Variants in GNAI1 observed in about 807,000 individuals in gnomAD.
GNAI1 encodes the protein guanine nucleotide-binding protein G(i) subunit alpha-1.
In GNAI1, 11 loss-of-function variants were observed where a neutral mutation model predicts 38.9. That is an observed-to-expected ratio of 0.28 (90% CI 0.18 to 0.47). GNAI1 has a LOEUF of 0.47. GNAI1 is among the 20% of genes least tolerant of loss of function. The probability of loss-of-function intolerance (pLI) is 0.99; values close to 1 mark genes in which losing one functional copy is unlikely to be tolerated. For synonymous variants in GNAI1, 166 were observed against 145.1 expected, an observed-to-expected ratio of 1.14 and a Z score of -1.04; for missense variants, 317 against 436.9, an observed-to-expected ratio of 0.73 and a Z score of 2.45.
At chr7:80,174,360 ACTTGT>A (rs765187814) in intron 1 of GNAI1, among the ~76,000 whole-genome samples, 3 of 151,164 alleles carry the variant, frequency 2.0e-5, no homozygotes, top group African/African-American at 4.8e-5. Flanking sequence ...TTTCCCTTGT[ACTTGT>A]CTTTTATGAA....
In GNAI1 at chr7:80,176,316, A is replaced by T. The variant is rs148756037; in HGVS notation, c.119-12635A>T. 3.1e-3 allele frequency among the ~76,000 whole-genome samples: 467 copies of T among 152,332 alleles called. 4 individuals are homozygous for T. The highest frequency in any genetic ancestry group is 0.011 in the African/African-American group (454 of 41,580). ...GGAAGCTGCAGGTTCAGGAGCTTGA[A>T]GGAAAGAAGCCATCTCCATAAAATA... On this transcript the variant is annotated intron_variant, in intron 1 of 7. Coordinates refer to ENST00000649796, the MANE Select transcript of GNAI1 (RefSeq NM_002069.6).
chr7:80,202,161 C>T (rs540015065), intron 4 of GNAI1, among the ~76,000 whole-genome samples: 1 of 152,166 alleles, frequency 6.6e-6, no homozygotes, highest in Admixed American at 6.5e-5. Flanking sequence ...GTGATCTTGG[C>T]TCACTGCAAC....
At chr7:80,155,393 A>G (rs1584013155) in intron 1 of GNAI1, among the ~76,000 whole-genome samples, 1 of 152,334 alleles carries the variant, frequency 6.6e-6, no homozygotes, top group South Asian at 2.1e-4. Context: ...TACATATATA[A>G]TGCCTAACAG....
rs758283008 is a variant in GNAI1, at chr7:80,175,819, C to G, written c.119-13132C>G. 3.4e-4 allele frequency among the ~76,000 whole-genome samples: 52 copies of G among 152,254 alleles called. 1 individual carries two copies. The highest frequency in any genetic ancestry group is 6.8e-3 in the Middle Eastern group (2 of 294). ...TCATTGCTTCACTGGACTGGCTGTTCTCTCATATCTCTACCTCTCCTCAAA... is the reference window on the plus strand; with the variant it reads ...TCATTGCTTCACTGGACTGGCTGTTGTCTCATATCTCTACCTCTCCTCAAA... On this transcript the variant is annotated intron_variant, in intron 1 of 7. Transcript: ENST00000649796.
intron 1 of GNAI1, among the ~76,000 whole-genome samples, chr7:80,151,184 C>A (rs1248224310): frequency 6.6e-6 from 1 of 152,148 alleles, no homozygotes; most frequent in Non-Finnish European, 1.5e-5. Context: ...AGTGCCCTTC[C>A]ACCCTTACCT....
At chr7:80,150,098 C>G (rs1406725628) in intron 1 of GNAI1, among the ~76,000 whole-genome samples, 3 of 152,100 alleles carry the variant, frequency 2.0e-5, no homozygotes, top group Non-Finnish European at 4.4e-5. Flanking sequence ...TTGGGAGCAT[C>G]AATTGGTAAA....
intron 3 of GNAI1, among the ~76,000 whole-genome samples, chr7:80,189,894 A>G (rs1436080923): frequency 6.6e-6 from 1 of 152,118 alleles, no homozygotes; most frequent in Non-Finnish European, 1.5e-5. Flanking sequence ...AACTTGTTTC[A>G]GTTGGATTGG....
Position 80,203,710 on chromosome 7 carries a change from G to T in GNAI1, c.468G>T (p.Leu156Phe). 6.4e-7 allele frequency: 1 copy of T among 1,570,098 alleles called. No individual in the cohort carries two copies. The highest frequency in any genetic ancestry group is 8.7e-7 in the Non-Finnish European group (1 of 1,153,114). Residue 156 changes from leucine to phenylalanine, a missense_variant, in exon 5 of 8, where the codon TTG (leucine) becomes TTT (phenylalanine). By Grantham distance (22) the Leu-to-Phe change is conservative. Around this residue, in one of 5 missense-constraint regions of GNAI1, gnomAD observed 158 missense variants for 234.7 expected, o/e 0.67. Transcript: ENST00000649796. ...TTTGTTTAATTTTTTTCAGCTATTTGAATGACTTGGACAGAATAGCTCAAC... is the reference window on the plus strand; with the variant it reads ...TTTGTTTAATTTTTTTCAGCTATTTTAATGACTTGGACAGAATAGCTCAAC... ...YQLNDSAAYY[L>F]NDLDRIAQPN...
At chr7:80,189,882 A>G (rs1180092589) in intron 3 of GNAI1, among the ~76,000 whole-genome samples, 2 of 152,100 alleles carry the variant, frequency 1.3e-5, no homozygotes, top group East Asian at 1.9e-4. Flanking sequence ...ATTTGGCCCA[A>G]TAACTTGTTT....
intron 3 of GNAI1, among the ~76,000 whole-genome samples, chr7:80,194,194 T>G (rs1788529058): frequency 6.6e-6 from 1 of 152,202 alleles, no homozygotes; most frequent in African/African-American, 2.4e-5. Flanking sequence ...TAATTTGTTG[T>G]TAGTAAATCA....
intron 3 of GNAI1, among the ~76,000 whole-genome samples, chr7:80,194,202 T>A (rs1788529130): frequency 6.6e-6 from 1 of 152,192 alleles, no homozygotes; most frequent in Admixed American, 6.5e-5. Flanking sequence ...TGTTAGTAAA[T>A]CATGTATCAG....
chr7:80,137,568 C>T (rs1040136172), intron 1 of GNAI1, among the ~76,000 whole-genome samples: 48 of 152,170 alleles, frequency 3.2e-4, no homozygotes, highest in Admixed American at 2.4e-3. Context: ...GATCCGCCCG[C>T]CTCAGCCTCC....
chr7:80,203,362 TA>T (rs1788720955), intron 4 of GNAI1, among the ~76,000 whole-genome samples: 1 of 151,982 alleles, frequency 6.6e-6, no homozygotes. Context: ...AAAGGTGTGA[TA>T]AAGAATTCTA....
chr7:80,135,189 A>G lies in GNAI1; in HGVS notation c.29A>G (p.Lys10Arg). Residue 10 changes from lysine (K) to arginine (R), a missense_variant, in exon 1 of 8, where the codon AAG becomes AGG. Lys to Arg is a conservative substitution (Grantham distance 26). Around this residue, in one of 5 missense-constraint regions of GNAI1, gnomAD observed 37 missense variants for 26.2 expected, o/e 1.41. Coordinates refer to ENST00000649796, the MANE Select transcript of GNAI1 (RefSeq NM_002069.6). ...GGCTGCACGCTGAGCGCCGAGGACA[A>G]GGCGGCGGTGGAGCGGAGTAAGATG... The part of the protein sequence containing the change: MGCTLSAED[K>R]AAVERSKMID... 1.9e-6 allele frequency: 3 copies of G among 1,549,972 alleles called. No homozygotes were observed. Among genetic ancestry groups the G allele is most frequent in the Non-Finnish European group, 1.7e-6 (2 of 1,149,192 alleles).
rs1464465122 is a variant in GNAI1, at chr7:80,220,864, G to C, written c.*3371G>C. On this transcript the variant is annotated 3_prime_UTR_variant, in exon 8 of 8. Coordinates refer to ENST00000649796, the MANE Select transcript of GNAI1 (RefSeq NM_002069.6). ...CCAGAAAATGTGTAAGTAGTGTTTC[G>C]CCTATCCCCACTCTGCCCTTGAGTT... is the stretch of plus-strand genomic sequence containing the variant. Among the ~76,000 whole-genome samples the C allele has an allele frequency of 1.3e-5, 2 of 152,070 alleles. No homozygotes were observed. The highest frequency in any genetic ancestry group is 4.8e-5 in the African/African-American group (2 of 41,402).
chr7:80,165,697 CAT>C (rs540436037), intron 1 of GNAI1, among the ~76,000 whole-genome samples: 59 of 152,088 alleles, frequency 3.9e-4, no homozygotes, highest in African/African-American at 1.3e-3. Context: ...TTTTAGTTAA[CAT>C]ATTCTGTAAC....
At chr7:80,165,045 TC>T (rs1787988951) in intron 1 of GNAI1, among the ~76,000 whole-genome samples, 1 of 152,308 alleles carries the variant, frequency 6.6e-6, no homozygotes, top group African/African-American at 2.4e-5. Context: ...AGTAGCCAGC[TC>T]TTTTGTATGT....
chr7:80,145,279 A>G (rs1787600155), intron 1 of GNAI1, among the ~76,000 whole-genome samples: 1 of 152,116 alleles, frequency 6.6e-6, no homozygotes. Context: ...TTTCTGCTTT[A>G]AATTATTGAC....
chr7:80,194,473 G>A lies in GNAI1; in HGVS notation c.304-4752G>A, dbSNP rs116423822. Among the ~76,000 whole-genome samples, 821 of 152,138 alleles carry A rather than the reference G, an allele frequency of 5.4e-3. 3 individuals carry two copies. The highest frequency in any genetic ancestry group is 0.018 in the African/African-American group (751 of 41,522). On this transcript the variant is annotated intron_variant, in intron 3 of 7. Coordinates refer to ENST00000649796, the MANE Select transcript of GNAI1 (RefSeq NM_002069.6). ...ATTTTAAAAAATGTTTAAAATTCCC[G>A]TTATTTCTTCCATTGTGTTTAAATG...
Sources: allele counts gnomAD v4.1 joint callset (sites outside exome capture counted in the v4.1 genomes callset), GRCh38; gene constraint gnomAD v4.1.1; regional missense constraint gnomAD v4.1.1; transcripts MANE v1.5; gene names NCBI Gene and HGNC (gene_info 2026-07-23, HGNC 2026-07-21).